The following MNAT1 variants were observed in gnomAD, a reference collection of about 807,000 sequenced individuals.
MNAT1 encodes MNAT1 component of CDK activating kinase.
Under a neutral mutation model 42.0 loss-of-function variants are expected in MNAT1, and 43 were observed. The observed-to-expected ratio is 1.02, with a 90% CI of 0.80 to 1.32. The LOEUF is 1.32. MNAT1 is among the 40% of genes most tolerant of loss of function. The pLI, the probability that MNAT1 is intolerant of heterozygous loss-of-function variation, is 0.00. For synonymous variants in MNAT1, 118 were observed against 120.0 expected, an observed-to-expected ratio of 0.98 and a Z score of 0.11; for missense variants, 306 against 350.4, an observed-to-expected ratio of 0.87 and a Z score of 1.01.
At chr14:60,949,068 G>A (rs1045664835) in intron 7 of MNAT1, among the ~76,000 whole-genome samples, 1 of 152,030 alleles carries the variant, frequency 6.6e-6, no homozygotes, top group African/African-American at 2.4e-5. Flanking sequence ...TTAATTTTAA[G>A]TATATCTTTA....
intron 1 of MNAT1, among the ~76,000 whole-genome samples, chr14:60,756,895 GA>G (rs2030379309): frequency 6.6e-6 from 1 of 152,112 alleles, no homozygotes; most frequent in East Asian, 1.9e-4. Context: ...ATGACAACAG[GA>G]TATTCACTTC....
chr14:60,943,917 G>C (rs1323408565), intron 7 of MNAT1, among the ~76,000 whole-genome samples: 1 of 152,156 alleles, frequency 6.6e-6, no homozygotes, highest in African/African-American at 2.4e-5. Context: ...ACTAAAAGTA[G>C]CTGCATTATC....
chr14:60,820,536 CTTT>C (rs754720202), intron 6 of MNAT1, among the ~76,000 whole-genome samples: 2 of 136,664 alleles, frequency 1.5e-5, no homozygotes, highest in African/African-American at 2.7e-5. Flanking sequence ...TCTTTTGCAA[CTTT>C]TTTTTTTTTT....
chr14:60,891,924 A>G (rs1050837018), intron 7 of MNAT1, among the ~76,000 whole-genome samples: 4 of 151,946 alleles, frequency 2.6e-5, no homozygotes, highest in Non-Finnish European at 5.9e-5. Context: ...TTAATAGTGT[A>G]TTGTACGATT....
chr14:60,793,404 C>T (rs1011923277), intron 1 of MNAT1, among the ~76,000 whole-genome samples: 7 of 151,824 alleles, frequency 4.6e-5, no homozygotes, highest in African/African-American at 9.7e-5. Flanking sequence ...TGCTTTGTCA[C>T]GCAGGCTGGA....
intron 1 of MNAT1, among the ~76,000 whole-genome samples, chr14:60,791,944 GAAA>G (rs2031834784): frequency 6.6e-6 from 1 of 152,052 alleles, no homozygotes; most frequent in Non-Finnish European, 1.5e-5. Flanking sequence ...AGGAAGGAGA[GAAA>G]AATAAGAAAA....
intron 6 of MNAT1, among the ~76,000 whole-genome samples, chr14:60,824,955 C>T (rs1033721188): frequency 1.3e-5 from 2 of 150,192 alleles, no homozygotes; most frequent in Non-Finnish European, 3.0e-5. Context: ...TTACCCCCAC[C>T]CCATTGGATC....
intron 6 of MNAT1, among the ~76,000 whole-genome samples, chr14:60,838,655 G>C (rs2033462853): frequency 6.6e-6 from 1 of 152,154 alleles, no homozygotes; most frequent in African/African-American, 2.4e-5. Flanking sequence ...ACAGGTGGGA[G>C]TCCCGCCCCA....
At chr14:60,838,083 C>T (rs1357889755) in intron 6 of MNAT1, among the ~76,000 whole-genome samples, 1 of 151,966 alleles carries the variant, frequency 6.6e-6, no homozygotes, top group African/African-American at 2.4e-5. Flanking sequence ...AGAGGTTTAT[C>T]AGTTTTCTTG....
intron 1 of MNAT1, among the ~76,000 whole-genome samples, chr14:60,793,911 T>A (rs2031912984): frequency 6.6e-6 from 1 of 152,062 alleles, no homozygotes; most frequent in African/African-American, 2.4e-5. Flanking sequence ...CGTAGGAAAA[T>A]AAACTGCAAT....
chr14:60,957,396 G>A (rs1347370069), intron 7 of MNAT1, among the ~76,000 whole-genome samples: 1 of 152,156 alleles, frequency 6.6e-6, no homozygotes, highest in Non-Finnish European at 1.5e-5. Context: ...CGAATGAGGA[G>A]CAAACACATC....
intron 7 of MNAT1, among the ~76,000 whole-genome samples, chr14:60,909,314 A>G (rs1427849153): frequency 2.7e-5 from 4 of 147,754 alleles, no homozygotes; most frequent in African/African-American, 2.5e-5. Context: ...CTGTGCAGAA[A>G]CTCTTTAGTT....
At chr14:60,948,525 A>G (rs2036324479) in intron 7 of MNAT1, among the ~76,000 whole-genome samples, 1 of 152,072 alleles carries the variant, frequency 6.6e-6, no homozygotes, top group Admixed American at 6.6e-5. Flanking sequence ...GAGTTTTTTC[A>G]TTTCTAGAAA....
chr14:60,823,030 TAC>T (rs1428825111), intron 6 of MNAT1, among the ~76,000 whole-genome samples: 4 of 152,198 alleles, frequency 2.6e-5, no homozygotes, highest in Non-Finnish European at 5.9e-5. Context: ...GTGTTGGGAT[TAC>T]ACTGTGCCCG....
chr14:60,900,688 G>T (rs1196369315), intron 7 of MNAT1, among the ~76,000 whole-genome samples: 1 of 152,108 alleles, frequency 6.6e-6, no homozygotes, highest in East Asian at 1.9e-4. Context: ...CCGTCTATTG[G>T]AAGGAGATGC....
intron 5 of MNAT1, among the ~76,000 whole-genome samples, chr14:60,815,920 A>C (rs377368965): frequency 1.3e-5 from 2 of 152,174 alleles, no homozygotes; most frequent in East Asian, 1.9e-4. Flanking sequence ...AAATGTTAAA[A>C]TACTTTAAAT....
At chr14:60,908,665 T>C (rs1269215516) in intron 7 of MNAT1, among the ~76,000 whole-genome samples, 2 of 152,382 alleles carry the variant, frequency 1.3e-5, no homozygotes, top group East Asian at 3.9e-4. Context: ...TCACTTTTTA[T>C]GGCTGCATAG....
chr14:60,942,216 G>T (rs74053899), intron 7 of MNAT1, among the ~76,000 whole-genome samples: 2,301 of 151,960 alleles, frequency 0.015, 53 homozygotes, highest in African/African-American at 0.053. Flanking sequence ...AAAGAGTTCA[G>T]CCAAAAAGCA....
intron 6 of MNAT1, among the ~76,000 whole-genome samples, chr14:60,847,988 T>G (rs1040927129): frequency 6.6e-6 from 1 of 152,194 alleles, no homozygotes; most frequent in African/African-American, 2.4e-5. Flanking sequence ...AAGTTTTTAT[T>G]CAGTCTTTTA....
Sources: gnomAD v4.1 joint callset for allele counts (sites outside exome capture counted in the v4.1 genomes callset) on GRCh38, gnomAD v4.1.1 for gene constraint, MANE v1.5 for transcripts, NCBI Gene and HGNC (gene_info 2026-07-23, HGNC 2026-07-21) for gene names.